The following MYL10 variants were observed in gnomAD, a reference collection of about 807,000 sequenced individuals.
The protein encoded by MYL10 is myosin light chain 10, also known as myosin regulatory light chain 10.
MYL10 carries 18 observed loss-of-function variants against 21.9 expected under a neutral mutation model. The ratio of observed to expected loss-of-function variants is 0.82; its 90% CI spans 0.57 to 1.22. The LOEUF (loss-of-function observed/expected upper bound fraction) is 1.22. Ranked by LOEUF, MYL10 falls within the 50% of genes most tolerant of loss-of-function variation. MYL10 has a pLI of 0.00. For missense variants in MYL10, 225 were observed against 230.4 expected (o/e 0.98, Z 0.15); for synonymous variants, 88 against 82.8 (o/e 1.06, Z -0.34).
At chr7:101,622,915 C>A (rs1370223569) in intron 4 of MYL10, 82 bp downstream of exon 4, 2 of 1,318,394 alleles carry the variant, frequency 1.5e-6, no homozygotes, top group Non-Finnish European at 2.2e-6. Flanking sequence ...ACGCTCACCG[C>A]GAGCCCTGCC....
chr7:101,625,611 A>G (rs957961654), intron 1 of MYL10, among the ~76,000 whole-genome samples: 2 of 150,498 alleles, frequency 1.3e-5, no homozygotes, highest in Non-Finnish European at 3.0e-5. Flanking sequence ...CGTCGAGGGC[A>G]GGGGCAGAAG....
intron 5 of MYL10, 113 bp downstream of exon 5, chr7:101,621,983 G>A: frequency 1.3e-6 from 1 of 784,496 alleles, no homozygotes; most frequent in Non-Finnish European, 2.1e-6. Context: ...TGGTGTCTGG[G>A]GCCACATCAT....
chr7:101,619,903 A>AAG, intron 5 of MYL10, among the ~76,000 whole-genome samples: 1 of 151,674 alleles, frequency 6.6e-6, no homozygotes, highest in Middle Eastern at 3.4e-3. Context: ...AAAAAAAAAA[A>AAG]AAAAGATATG....
At chr7:101,628,972 G>T (rs141115184) in intron 1 of MYL10, 69 bp downstream of exon 1, 1 of 441,466 alleles carries the variant, frequency 2.3e-6, no homozygotes, top group East Asian at 7.2e-5. Flanking sequence ...ACTGAGGCAC[G>T]CATGGGTTAA....
Position 101,616,225 on chromosome 7 carries a change from G to T in MYL10, c.528C>A (p.Ala176=), listed in dbSNP as rs200101379. 12 of 1,613,924 alleles carry T rather than the reference G, an allele frequency of 7.4e-6. No homozygotes were observed. In the East Asian group the frequency reaches 2.5e-4, roughly 33 times the overall value. ...FDTEGKGFVK[A]DVIKEKLMTQ... The stretch of plus-strand genomic sequence containing the variant: ...GGGAGTCAGGGGAAACTTACACATC[G>T]GCCTTGACGAAACCTTTCCCTTCAG... Residue 176 remains alanine (A), a synonymous_variant, in exon 6 of 8, where the codon GCC becomes GCA. Coordinates refer to ENST00000223167, the MANE Select transcript of MYL10 (RefSeq NM_138403.5).
rs369962362 is a variant in MYL10 at position 101,623,003 on chromosome 7, C to T, written c.343G>A (p.Ala115Thr). ...DKEDLRDTFA[A>T]LGRINVKNEE... is the part of the protein sequence containing the mutation. ...CGGCTGCTGGCTCACCCACCCAGCG[C>T]GGCAAAGGTGTCCCTCAAGTCCTCT... The change falls in exon 4 of 8, where the codon GCG becomes ACG. Residue 115 changes from alanine to threonine, a missense_variant. Transcript: ENST00000223167. 2.5e-5 allele frequency: 40 copies of T among 1,613,928 alleles called. No homozygotes were observed. The highest frequency in any genetic ancestry group is 2.2e-4 in the South Asian group (20 of 91,074).
intron 4 of MYL10, 86 bp downstream of exon 4, chr7:101,622,911 A>C: frequency 7.9e-7 from 1 of 1,262,094 alleles, no homozygotes; most frequent in Non-Finnish European, 1.1e-6. Flanking sequence ...TCTCACGCTC[A>C]CCGCGAGCCC....
At chr7:101,618,690 G>A (rs1371676640) in intron 5 of MYL10, among the ~76,000 whole-genome samples, 2 of 152,184 alleles carry the variant, frequency 1.3e-5, no homozygotes, top group African/African-American at 2.4e-5. Flanking sequence ...AGGCGGCGCC[G>A]GCCCCAGCAC....
At chr7:101,622,488 G>T (rs1371242470) in intron 4 of MYL10, among the ~76,000 whole-genome samples, 1 of 152,152 alleles carries the variant, frequency 6.6e-6, no homozygotes, top group East Asian at 1.9e-4. Context: ...CAGGCTCAGG[G>T]TTCCTGTGCC....
chr7:101,615,470 C>T (rs551154688), intron 6 of MYL10, among the ~76,000 whole-genome samples: 1 of 150,998 alleles, frequency 6.6e-6, no homozygotes, highest in East Asian at 2.0e-4. Flanking sequence ...CCGCCTGCCG[C>T]TCTGTGCTCA....
At chr7:101,615,430 G>C (rs1047336014) in intron 6 of MYL10, among the ~76,000 whole-genome samples, 2 of 151,286 alleles carry the variant, frequency 1.3e-5, no homozygotes, top group African/African-American at 4.9e-5. Context: ...AGGGTCCAGG[G>C]GCTAGGGTGT....
chr7:101,623,025 C>T lies in MYL10; in HGVS notation c.321G>A (p.Glu107=), dbSNP rs771552677. 6.2e-6 allele frequency: 10 copies of T among 1,613,986 alleles called. No homozygotes were observed. In the South Asian group the frequency reaches 7.7e-5, roughly 12 times the overall value. ...GCGCGGCAAAGGTGTCCCTCAAGTC[C>T]TCTTTGTCGATGAAGCCATCACGGT... ...DQNRDGFIDK[E]DLRDTFAALG... is the part of the protein sequence containing the mutation. The change falls in exon 4 of 8, where the codon GAG becomes GAA. Residue 107 remains glutamate (E), a synonymous_variant. Coordinates refer to ENST00000223167, the MANE Select transcript of MYL10 (RefSeq NM_138403.5).
chr7:101,625,352 C>T (rs982719636), intron 1 of MYL10, among the ~76,000 whole-genome samples: 2 of 152,240 alleles, frequency 1.3e-5, no homozygotes, highest in Non-Finnish European at 2.9e-5. Context: ...CCAGAATGGG[C>T]TCTCGATGGG....
At chr7:101,622,842 C>G (rs1053601506) in intron 4 of MYL10, among the ~76,000 whole-genome samples, 155 bp downstream of exon 4, 7 of 151,878 alleles carry the variant, frequency 4.6e-5, no homozygotes, top group African/African-American at 9.7e-5. Context: ...CCAGGAAGGT[C>G]CCCCCCTGAC....
chr7:101,613,646 C>A lies in MYL10; in HGVS notation c.582+16G>T. The A allele has an allele frequency of 6.2e-7, 1 of 1,614,146 alleles. No homozygotes were observed. The highest frequency in any genetic ancestry group is 8.5e-7 in the Non-Finnish European group (1 of 1,180,010). On this transcript the variant is annotated intron_variant, in intron 7 of 7. Transcript: ENST00000223167. ...GAGCAGAGAATCCGCCGTGACCCACCAGAATCCCAGTTTACCTCCTCCTCA... is the reference window on the plus strand; with the variant it reads ...GAGCAGAGAATCCGCCGTGACCCACAAGAATCCCAGTTTACCTCCTCCTCA...
Position 101,624,227 on chromosome 7 carries a change from G to A in MYL10, c.116C>T (p.Ala39Val). ...RRARKRAEGT[A>V]SSNVFSMFDQ... Reference sequence around the variant, plus strand: ...AAACATGGAGAAGACGTTGGAGCTGGCGGTGCCTTCTGCTCTTTTCCGAGC... The same window carrying A: ...AAACATGGAGAAGACGTTGGAGCTGACGGTGCCTTCTGCTCTTTTCCGAGC... The change falls in exon 2 of 8, where the codon GCC becomes GTC. Residue 39 changes from alanine (A) to valine (V), a missense_variant. Coordinates refer to ENST00000223167, the MANE Select transcript of MYL10 (RefSeq NM_138403.5). 1 of 1,613,896 alleles carries A rather than the reference G, an allele frequency of 6.2e-7. No homozygotes were observed. Among genetic ancestry groups the A allele is most frequent in the Non-Finnish European group, 8.5e-7 (1 of 1,179,930 alleles).
rs777809283 is a variant in MYL10, at chr7:101,616,202, G to T, written c.533+18C>A. ...GCTTATTCCCCTGAGCATTTTGGGG[G>T]AGTCAGGGGAAACTTACACATCGGC... On this transcript the variant is annotated intron_variant, in intron 6 of 7. Transcript: ENST00000223167. 2 of 1,610,272 alleles carry T rather than the reference G, an allele frequency of 1.2e-6. No homozygotes were observed. The highest frequency in any genetic ancestry group is 2.2e-5 in the East Asian group (1 of 44,840).
At position 101,613,669 on chromosome 7, in the gene MYL10, T is replaced by C. The variant is rs1445271198; in HGVS notation, c.575A>G (p.Glu192Gly). The C allele has an allele frequency of 6.2e-7, 1 of 1,614,128 alleles. No homozygotes were observed. Among genetic ancestry groups the C allele is most frequent in the South Asian group, 1.1e-5 (1 of 91,082 alleles). ...KLMTQADRFS[E>G]EEVKQMFAAF... ...ACCAGAATCCCAGTTTACCTCCTCCTCACTGAAGCGGTCTGCCTGGGTCAT... is the reference window on the plus strand; with the variant it reads ...ACCAGAATCCCAGTTTACCTCCTCCCCACTGAAGCGGTCTGCCTGGGTCAT... The change falls in exon 7 of 8, where the codon GAG becomes GGG. Residue 192 changes from glutamate to glycine, a missense_variant. Glu to Gly is a moderately conservative substitution (Grantham distance 98, BLOSUM62 -2). Transcript: ENST00000223167.
In MYL10 at chr7:101,620,406, A is replaced by G. The variant is rs546780166; in HGVS notation, c.454+1690T>C. 1.8e-4 allele frequency among the ~76,000 whole-genome samples: 27 copies of G among 152,248 alleles called. No individual in the cohort carries two copies. In the East Asian group the frequency reaches 5.2e-3, roughly 29 times the overall value. On this transcript the variant is annotated intron_variant, in intron 5 of 7. Coordinates refer to ENST00000223167, the MANE Select transcript of MYL10 (RefSeq NM_138403.5). ...CGGGGCCATTGACGGCGAGGCTGAG[A>G]TGGGAGAGGTAGAGCCACCAGAGGC...
Sources: allele counts gnomAD v4.1 joint callset (sites outside exome capture counted in the v4.1 genomes callset), GRCh38; gene constraint gnomAD v4.1.1; transcripts MANE v1.5; gene names NCBI Gene and HGNC (gene_info 2026-07-23, HGNC 2026-07-21).